Variants in CFAP43 observed in about 807,000 individuals in gnomAD.
The protein encoded by CFAP43 is cilia and flagella associated protein 43.
CFAP43 carries 155 observed loss-of-function variants against 218.9 expected under a neutral mutation model. The ratio of observed to expected loss-of-function variants is 0.71; its 90% CI spans 0.62 to 0.81. The LOEUF (loss-of-function observed/expected upper bound fraction) is 0.81, where lower values mean the gene tolerates loss of function less well. Among genes scored for constraint, CFAP43 ranks in the 30% least tolerant of loss-of-function variants. The pLI is 0.00. For missense variants in CFAP43, 1,778 were observed against 1,954.3 expected (o/e 0.91, Z 1.70); for synonymous variants, 645 against 681.3 (o/e 0.95, Z 0.83).
At chr10:104,178,877 A>C in intron 19 of CFAP43, 152 bp downstream of exon 19, 1 of 547,540 alleles carries the variant, frequency 1.8e-6, no homozygotes, top group East Asian at 2.9e-5. Context: ...TGTGAATTGG[A>C]GAAATTTTAT....
chr10:104,211,038 G>C (rs574681689), intron 5 of CFAP43, among the ~76,000 whole-genome samples: 1 of 151,814 alleles, frequency 6.6e-6, no homozygotes, highest in Non-Finnish European at 1.5e-5. Context: ...TGATCCACCC[G>C]TCTCGGCCTC....
chr10:104,174,312 G>C (rs989238466), intron 19 of CFAP43, among the ~76,000 whole-genome samples: 3 of 152,222 alleles, frequency 2.0e-5, no homozygotes, highest in African/African-American at 7.2e-5. Flanking sequence ...GGTTGGTGAA[G>C]CCTCACAATC....
At chr10:104,223,801 G>A (rs1001944497) in intron 3 of CFAP43, among the ~76,000 whole-genome samples, 1 of 152,164 alleles carries the variant, frequency 6.6e-6, no homozygotes, top group African/African-American at 2.4e-5. Flanking sequence ...GGTGAATAAA[G>A]TATGGTATAT....
intron 20 of CFAP43, among the ~76,000 whole-genome samples, chr10:104,170,193 G>A (rs1203922582): frequency 6.6e-6 from 1 of 151,608 alleles, no homozygotes; most frequent in Admixed American, 6.6e-5. Context: ...AAGGCACAGA[G>A]CTCAAGAAAA....
Position 104,188,254 on chromosome 10 carries a change from C to T in CFAP43, c.1687+16G>A. On this transcript the variant is annotated intron_variant, in intron 13 of 37. Coordinates refer to ENST00000357060, the MANE Select transcript of CFAP43 (RefSeq NM_025145.7). ...CTGGGCTCAGGAGCAGAACTGGCTG[C>T]TTATGTTTTCCTTACCTTGTGGCAG... 1 of 1,612,478 alleles carries T rather than the reference C, an allele frequency of 6.2e-7. No homozygotes were observed. Among genetic ancestry groups the T allele is most frequent in the Non-Finnish European group, 8.5e-7 (1 of 1,179,126 alleles).
chr10:104,150,896 A>G (rs1420967099), intron 28 of CFAP43, among the ~76,000 whole-genome samples: 2 of 151,814 alleles, frequency 1.3e-5, no homozygotes, highest in Non-Finnish European at 2.9e-5. Context: ...CCCACCCACC[A>G]CCCTCAGGAA....
intron 27 of CFAP43, among the ~76,000 whole-genome samples, chr10:104,157,775 T>TGTGTGTGAGAGAGAGA (rs1484523345): frequency 3.3e-5 from 3 of 90,160 alleles, no homozygotes; most frequent in African/African-American, 1.0e-4. Context: ...TGTGTGTGTG[T>TGTGTGTGAGAGAGAGA]GAGAGAGAGA....
chr10:104,197,053 G>C, intron 9 of CFAP43, 120 bp from the exon 10 acceptor site: 1 of 665,302 alleles, frequency 1.5e-6, no homozygotes, highest in East Asian at 2.9e-5. Context: ...TACTTACGTG[G>C]ATTATAAATA....
Position 104,162,000 on chromosome 10 carries a change from TC to T in CFAP43, c.3374del (p.Gly1125GlufsTer12), listed in dbSNP as rs780377912. The T allele has an allele frequency of 6.2e-7, 1 of 1,613,790 alleles. No homozygotes were observed. Among genetic ancestry groups the T allele is most frequent in the South Asian group, 1.1e-5 (1 of 91,004 alleles). On this transcript the variant is annotated frameshift_variant, in exon 26 of 38. Coordinates refer to ENST00000357060, the MANE Select transcript of CFAP43 (RefSeq NM_025145.7). LOFTEE classifies it high-confidence loss of function. ...TRLRALMDMMGGVLEVKKEDI... is the reference protein window; with the variant it reads ...TRLRALMDMMXGVLEVKKEDI... Reference sequence around the variant, plus strand: ...CTTCCTTCTTGACTTCCAGAACTCCTCCCATCATGTCCATCAGAGCTCGGAG... The same window carrying T: ...CTTCCTTCTTGACTTCCAGAACTCCTCCATCATGTCCATCAGAGCTCGGAG...
chr10:104,210,561 G>C (rs1048316137), intron 5 of CFAP43, among the ~76,000 whole-genome samples: 11 of 152,000 alleles, frequency 7.2e-5, no homozygotes, highest in Admixed American at 7.2e-4. Flanking sequence ...AAGCATAGCA[G>C]GTTCAAGAGG....
chr10:104,218,857 G>A (rs774703831), intron 3 of CFAP43: 3 of 515,858 alleles, frequency 5.8e-6, no homozygotes, highest in Non-Finnish European at 4.0e-6. Flanking sequence ...CCAGAGATGA[G>A]AGAAACACCC....
intron 6 of CFAP43, among the ~76,000 whole-genome samples, chr10:104,206,789 T>C (rs2090703777): frequency 6.6e-6 from 1 of 152,218 alleles, no homozygotes; most frequent in South Asian, 2.1e-4. Context: ...GTGGCTCCTG[T>C]GGCCCAGGCC....
chr10:104,232,329 T>TGCGGGCC lies in CFAP43; in HGVS notation c.-90_-84dup. 1 of 1,363,720 alleles carries TGCGGGCC rather than the reference T, an allele frequency of 7.3e-7. No homozygotes were observed. The highest frequency in any genetic ancestry group is 1.5e-5 in the African/African-American group (1 of 67,200). The allele number at this position is 1,363,720 out of a possible 1,614,324, so 84.5% of individuals were successfully genotyped here. On this transcript the variant is annotated 5_prime_UTR_variant, in exon 1 of 38. Coordinates refer to ENST00000357060, the MANE Select transcript of CFAP43 (RefSeq NM_025145.7). ...GGTTACCTTTCCGCCGCCGCGGGGCTGCGGGCCGCGACGCCGCTGCTGTGT... is the reference window on the plus strand; with the variant it reads ...GGTTACCTTTCCGCCGCCGCGGGGCTGCGGGCCGCGGGCCGCGACGCCGCTGCTGTGT...
intron 4 of CFAP43, 124 bp downstream of exon 4, chr10:104,214,135 G>T: frequency 1.2e-6 from 1 of 815,024 alleles, no homozygotes; most frequent in Non-Finnish European, 1.8e-6. Flanking sequence ...GTATGTGTGT[G>T]TATGTGTGTG....
intron 28 of CFAP43, among the ~76,000 whole-genome samples, chr10:104,150,074 T>C (rs1163292064): frequency 1.3e-5 from 2 of 152,214 alleles, no homozygotes. Context: ...CTTCTTTGAC[T>C]TAGCATGTTT....
chr10:104,162,516 C>A, intron 24 of CFAP43, 113 bp from the exon 25 acceptor site: 1 of 862,368 alleles, frequency 1.2e-6, no homozygotes, highest in South Asian at 1.4e-5. Flanking sequence ...AGGGACTCTG[C>A]AGACTTTGCA....
intron 3 of CFAP43, among the ~76,000 whole-genome samples, chr10:104,222,088 T>C (rs1260970325): frequency 1.3e-5 from 2 of 152,198 alleles, no homozygotes; most frequent in Non-Finnish European, 2.9e-5. Context: ...CATTAGAACA[T>C]AAAGGTAAAG....
At chr10:104,227,250 CT>C (rs2091327450) in intron 2 of CFAP43, among the ~76,000 whole-genome samples, 2 of 152,092 alleles carry the variant, frequency 1.3e-5, no homozygotes, top group African/African-American at 2.4e-5. Flanking sequence ...TATCATAGTG[CT>C]TTTTAAGCTC....
chr10:104,145,512 A>T lies in CFAP43; in HGVS notation c.3908T>A (p.Val1303Glu). 6.2e-7 allele frequency: 1 copy of T among 1,605,608 alleles called. No individual in the cohort carries two copies. The change falls in exon 31 of 38, where the codon GTG becomes GAG. Residue 1303 changes from valine (V) to glutamate (E), a missense_variant. Physicochemically the swap from Val to Glu is moderately radical, Grantham distance 121. Transcript: ENST00000357060. ...TTTAAAAAGTTTGTAGAGTATATCC[A>T]CTTGATGACCAGGAATTTCAGAAAA... Reference protein sequence around the residue: ...KEFSEIPGHQVDILYKLFKRR... With the variant: ...KEFSEIPGHQEDILYKLFKRR...
Sources: allele counts gnomAD v4.1 joint callset (sites outside exome capture counted in the v4.1 genomes callset), GRCh38; gene constraint gnomAD v4.1.1; transcripts MANE v1.5; gene names NCBI Gene and HGNC (gene_info 2026-07-23, HGNC 2026-07-21).